Variants in DCUN1D4 observed in about 807,000 individuals in gnomAD.
DCUN1D4 encodes defective in cullin neddylation 1 domain containing 4.
Under a neutral mutation model 47.9 loss-of-function variants are expected in DCUN1D4, and 22 were observed. The observed-to-expected ratio is 0.46, with a 90% CI of 0.33 to 0.66. DCUN1D4 has a LOEUF of 0.66. Among genes scored for constraint, DCUN1D4 ranks in the 30% least tolerant of loss-of-function variants. The probability of loss-of-function intolerance (pLI) is 0.02; values close to 1 mark genes in which losing one functional copy is unlikely to be tolerated. For synonymous variants in DCUN1D4, 121 were observed against 112.2 expected (o/e 1.08, Z -0.50); for missense variants, 301 against 340.8 (o/e 0.88, Z 0.92).
At position 51,892,913 on chromosome 4, in the gene DCUN1D4, T is replaced by A. The variant is rs540251107; in HGVS notation, c.506+1062T>A. ...TGGATTAAAATTTGAGTTGAAATGG[T>A]TTTATTTAAATAATTTTGGAATTTG... On this transcript the variant is annotated intron_variant, in intron 7 of 10. Coordinates refer to ENST00000334635, the MANE Select transcript of DCUN1D4 (RefSeq NM_001040402.3). Among the ~76,000 whole-genome samples, 59 of 152,364 alleles carry A rather than the reference T, an allele frequency of 3.9e-4. No individual in the cohort carries two copies. In the South Asian group the frequency reaches 0.012, roughly 30 times the overall value.
At chr4:51,862,909 G>T (rs1481828007) in intron 1 of DCUN1D4, among the ~76,000 whole-genome samples, 1 of 152,136 alleles carries the variant, frequency 6.6e-6, no homozygotes, top group African/African-American at 2.4e-5. Context: ...CAGCTACCAT[G>T]CAGGCTCAGG....
intron 9 of DCUN1D4, among the ~76,000 whole-genome samples, chr4:51,911,776 G>C (rs1393254743): frequency 2.6e-5 from 4 of 152,124 alleles, no homozygotes; most frequent in African/African-American, 9.7e-5. Context: ...CTGAGCTACT[G>C]GTTTTGTTGA....
chr4:51,888,878 G>A (rs1267367070), intron 6 of DCUN1D4, among the ~76,000 whole-genome samples: 1 of 152,104 alleles, frequency 6.6e-6, no homozygotes, highest in Admixed American at 6.5e-5. Flanking sequence ...AGGCCGAGGT[G>A]GGTGGGTGGA....
At chr4:51,865,577 C>G (rs1560469287) in intron 3 of DCUN1D4, 1 of 152,366 alleles carries the variant, frequency 6.6e-6, no homozygotes, top group Non-Finnish European at 1.5e-5. Flanking sequence ...TGAGAGGGTG[C>G]AGGATCCCTT....
At chr4:51,843,343 GC>G in intron 1 of DCUN1D4, 76 bp downstream of exon 1, 1 of 1,452,798 alleles carries the variant, frequency 6.9e-7, no homozygotes. Flanking sequence ...CGCAGTCCCC[GC>G]CCCACGCCTC....
chr4:51,840,617 C>T (rs548214454), upstream of DCUN1D4, among the ~76,000 whole-genome samples: 9 of 152,226 alleles, frequency 5.9e-5, no homozygotes, highest in South Asian at 1.2e-3. Flanking sequence ...ATTTCATGTA[C>T]GGTAAACATT....
At chr4:51,891,336 G>T (rs1730396690) in intron 6 of DCUN1D4, among the ~76,000 whole-genome samples, 1 of 152,172 alleles carries the variant, frequency 6.6e-6, no homozygotes, top group African/African-American at 2.4e-5. Flanking sequence ...TGGCCATTTG[G>T]TTGTTTTCAG....
At chr4:51,899,866 G>A (rs758170830) in intron 8 of DCUN1D4, among the ~76,000 whole-genome samples, 1 of 152,064 alleles carries the variant, frequency 6.6e-6, no homozygotes, top group Admixed American at 6.5e-5. Flanking sequence ...TCTAATCATC[G>A]TTTTGAAAAG....
At chr4:51,846,922 A>G (rs139125738) in intron 1 of DCUN1D4, among the ~76,000 whole-genome samples, 117 of 152,318 alleles carry the variant, frequency 7.7e-4, no homozygotes, top group African/African-American at 2.5e-3. Flanking sequence ...TGGATTGGAA[A>G]GCAGGGAAGG....
At chr4:51,835,746 C>G in the DCUN1D4 span, among the ~76,000 whole-genome samples, 1 of 151,876 alleles carries the variant, frequency 6.6e-6, no homozygotes. Context: ...AGAGAGATGG[C>G]AAAGGAAGAC....
Position 51,856,922 on chromosome 4 carries a change from C to T in DCUN1D4, c.26-6515C>T, listed in dbSNP as rs529155847. On this transcript the variant is annotated intron_variant, in intron 1 of 10. Coordinates refer to ENST00000334635, the MANE Select transcript of DCUN1D4 (RefSeq NM_001040402.3). ...ATCCAGCACAGCCTATTCCTTCCTC[C>T]AGCATTGGAATAGATCTCTGGCTGT... Among the ~76,000 whole-genome samples the T allele has an allele frequency of 7.9e-5, 12 of 152,304 alleles. No homozygotes were observed. The South Asian group carries it at 2.5e-3, about 32-fold the overall frequency.
At chr4:51,880,341 G>A (rs1477665724) in intron 5 of DCUN1D4, among the ~76,000 whole-genome samples, 6 of 152,298 alleles carry the variant, frequency 3.9e-5, no homozygotes, top group African/African-American at 7.2e-5. Flanking sequence ...TTCATTTTCC[G>A]TAGAAGAGAG....
In DCUN1D4 at chr4:51,907,884, G is replaced by A. The variant is rs146960946; in HGVS notation, c.616-3186G>A. Among the ~76,000 whole-genome samples, 1,444 of 152,188 alleles carry A rather than the reference G, an allele frequency of 9.5e-3. 24 individuals carry two copies. Among genetic ancestry groups the A allele is most frequent in the Middle Eastern group, 0.014 (4 of 292 alleles). On this transcript the variant is annotated intron_variant, in intron 8 of 10. Transcript: ENST00000334635. The stretch of plus-strand genomic sequence containing the variant: ...TTTTGTTTCAGTTGTTAAGTCATTT[G>A]TGTCATCTAAGAAAAAAATGCTCAA...
At chr4:51,834,472 G>A in the DCUN1D4 span, among the ~76,000 whole-genome samples, 62,994 of 151,520 alleles carry the variant, frequency 0.42, 15,851 homozygotes, top group African/African-American at 0.71. Context: ...TTACACACCC[G>A]ACTGGCCCTA....
upstream of DCUN1D4, among the ~76,000 whole-genome samples, chr4:51,841,539 G>A (rs748737912): frequency 2.9e-4 from 44 of 152,116 alleles, no homozygotes; most frequent in Non-Finnish European, 5.1e-4. Context: ...TCTTGCGAAA[G>A]AACCTGAAGC....
intron 5 of DCUN1D4, among the ~76,000 whole-genome samples, chr4:51,879,564 G>A (rs1227055974): frequency 6.6e-6 from 1 of 152,188 alleles, no homozygotes; most frequent in African/African-American, 2.4e-5. Context: ...CCGAGATTGT[G>A]CCACTGCACT....
intron 5 of DCUN1D4, among the ~76,000 whole-genome samples, chr4:51,883,652 T>A (rs1729031726): frequency 6.6e-6 from 1 of 152,202 alleles, no homozygotes; most frequent in Admixed American, 6.5e-5. Flanking sequence ...GAAATGATCA[T>A]TGCAGATGAA....
intron 3 of DCUN1D4, among the ~76,000 whole-genome samples, chr4:51,868,901 C>T (rs893610968): frequency 1.3e-5 from 2 of 151,988 alleles, no homozygotes; most frequent in African/African-American, 4.8e-5. Flanking sequence ...CAGTGGATCA[C>T]GAGGTCAGGA....
At chr4:51,857,914 T>C (rs2109861678) in intron 1 of DCUN1D4, among the ~76,000 whole-genome samples, 1 of 152,326 alleles carries the variant, frequency 6.6e-6, no homozygotes, top group East Asian at 1.9e-4. Context: ...GGTACTCTTC[T>C]AGGTATTAAT....
Sources: allele counts gnomAD v4.1 joint callset (sites outside exome capture counted in the v4.1 genomes callset), GRCh38; gene constraint gnomAD v4.1.1; transcripts MANE v1.5; gene names NCBI Gene and HGNC (gene_info 2026-07-23, HGNC 2026-07-21).